TAOK3: variants seen among roughly 807,000 people sequenced by gnomAD.
TAOK3 encodes serine/threonine-protein kinase TAO3.
A neutral mutation model predicts 120.4 loss-of-function variants in TAOK3; 40 were observed. The observed-to-expected ratio is 0.33, with a 90% CI of 0.26 to 0.43. The LOEUF is 0.43. Among genes scored for constraint, TAOK3 ranks in the 20% least tolerant of loss-of-function variants. TAOK3 has a pLI of 1.00. For missense variants in TAOK3, 821 were observed against 1,112.1 expected, an observed-to-expected ratio of 0.74 and a Z score of 3.72; for synonymous variants, 355 against 387.5, an observed-to-expected ratio of 0.92 and a Z score of 0.99.
chr12:118,239,507 TA>T (rs538607617), intron 5 of TAOK3, among the ~76,000 whole-genome samples: 135 of 152,324 alleles, frequency 8.9e-4, no homozygotes, highest in African/African-American at 3.0e-3. Flanking sequence ...GGACTAGATA[TA>T]GAAATATTCA....
At position 118,161,795 on chromosome 12, in the gene TAOK3, T is replaced by C; in HGVS notation, c.2132A>G (p.Asn711Ser). Residue 711 changes from asparagine (N) to serine (S), a missense_variant, in exon 18 of 21, where the codon AAC (asparagine) becomes AGC (serine). Physicochemically the swap from Asn to Ser is conservative, Grantham distance 46 (BLOSUM62 1). This residue lies in a region of TAOK3 where 354 missense variants were observed against 572.1 expected (regional missense o/e 0.62). Transcript: ENST00000392533. This position sits in a 1 kb window ranked among gnomAD's most constrained non-coding sequence, Gnocchi z 4.5. ...CAGCAGCACAAATCTTACCTTTAAG[T>C]TTTTTGGCTGTTGCCGAAGTTCCAT... ...HVMELRQQPK[N>S]LKAMEMQIKK... The C allele has an allele frequency of 6.2e-7, 1 of 1,614,148 alleles. No individual in the cohort carries two copies. The highest frequency in any genetic ancestry group is 8.5e-7 in the Non-Finnish European group (1 of 1,180,020).
At chr12:118,193,451 C>A (rs2037542982) in intron 13 of TAOK3, among the ~76,000 whole-genome samples, 1 of 152,164 alleles carries the variant, frequency 6.6e-6, no homozygotes. Flanking sequence ...AATTTCTATA[C>A]AAGAGTGAAA....
intron 1 of TAOK3, among the ~76,000 whole-genome samples, chr12:118,316,517 C>CA (rs1247360169): frequency 6.6e-6 from 1 of 152,080 alleles, no homozygotes; most frequent in Non-Finnish European, 1.5e-5. Context: ...ATCCTACCCT[C>CA]AGCCTCCTGA....
intron 9 of TAOK3, among the ~76,000 whole-genome samples, chr12:118,216,329 C>T (rs1318864083): frequency 6.6e-6 from 1 of 152,174 alleles, no homozygotes; most frequent in African/African-American, 2.4e-5. Flanking sequence ...CCTCCCCAGC[C>T]CACCACGATC....
intron 8 of TAOK3, among the ~76,000 whole-genome samples, chr12:118,234,491 G>A (rs1403549840): frequency 2.0e-5 from 3 of 151,944 alleles, no homozygotes; most frequent in Admixed American, 2.0e-4. Context: ...TGATCCACCC[G>A]CCTCGGACTT....
At chr12:118,326,520 A>G (rs1236654725) in intron 1 of TAOK3, among the ~76,000 whole-genome samples, 3 of 151,056 alleles carry the variant, frequency 2.0e-5, no homozygotes, top group African/African-American at 7.3e-5. Context: ...TTTTTTATAG[A>G]AAAGAAATGA....
At chr12:118,246,243 A>C in intron 3 of TAOK3, 1 of 1,477,192 alleles carries the variant, frequency 6.8e-7, no homozygotes, top group Non-Finnish European at 9.3e-7. Context: ...TCGCGGAGGC[A>C]AGGCCGAGGA....
Position 118,304,149 on chromosome 12 carries a change from C to T in TAOK3, c.-193-37390G>A, listed in dbSNP as rs372723118. On this transcript the variant is annotated intron_variant, in intron 1 of 20. Coordinates refer to ENST00000392533, the MANE Select transcript of TAOK3 (RefSeq NM_016281.4). The stretch of plus-strand genomic sequence containing the variant: ...TTTTAAGTTGTTGAAAAGGCAAGCA[C>T]GTTTTTCAGAAGAAATTCTTTTATG... 1.2e-4 allele frequency among the ~76,000 whole-genome samples: 19 copies of T among 152,262 alleles called. No homozygotes were observed. In the South Asian group the frequency reaches 3.3e-3, roughly 27 times the overall value.
chr12:118,250,619 C>A (rs193109497), intron 3 of TAOK3, among the ~76,000 whole-genome samples: 1 of 152,182 alleles, frequency 6.6e-6, no homozygotes, highest in Non-Finnish European at 1.5e-5. Context: ...TAGCTGCCCA[C>A]AATTTATCAG....
At chr12:118,239,992 C>T (rs1031751384) in intron 5 of TAOK3, among the ~76,000 whole-genome samples, 4 of 151,964 alleles carry the variant, frequency 2.6e-5, no homozygotes, top group African/African-American at 9.7e-5. Context: ...CATGGTGAAA[C>T]CCCATCTCTA....
intron 1 of TAOK3, among the ~76,000 whole-genome samples, chr12:118,363,755 T>TGTGTGTGTGA (rs777468830): frequency 2.5e-4 from 35 of 141,770 alleles, no homozygotes; most frequent in African/African-American, 8.4e-4. Flanking sequence ...TGTGTGTGTG[T>TGTGTGTGTGA]GAGAGAGAGA....
intron 1 of TAOK3, among the ~76,000 whole-genome samples, chr12:118,368,527 C>T (rs1398984994): frequency 1.4e-5 from 2 of 138,012 alleles, no homozygotes; most frequent in Non-Finnish European, 3.1e-5. Context: ...GAAAATAGGC[C>T]GGGAGCGGTG....
chr12:118,308,598 C>G (rs2140814942), intron 1 of TAOK3, among the ~76,000 whole-genome samples: 1 of 152,022 alleles, frequency 6.6e-6, no homozygotes, highest in African/African-American at 2.4e-5. Context: ...AGGGTGCTGC[C>G]CAAAAATGGT....
intron 14 of TAOK3, among the ~76,000 whole-genome samples, chr12:118,188,061 T>C (rs1043632950): frequency 2.0e-5 from 3 of 152,064 alleles, no homozygotes; most frequent in African/African-American, 7.2e-5. Context: ...GTCATGAATA[T>C]ATGATGTGGG....
At chr12:118,192,501 G>C (rs1186098429) in intron 13 of TAOK3, among the ~76,000 whole-genome samples, 1 of 152,014 alleles carries the variant, frequency 6.6e-6, no homozygotes, top group Non-Finnish European at 1.5e-5. Flanking sequence ...CCACAAAATG[G>C]AACAAAATTT....
chr12:118,183,015 C>T (rs1356749605), intron 14 of TAOK3, among the ~76,000 whole-genome samples: 1 of 151,988 alleles, frequency 6.6e-6, no homozygotes, highest in Admixed American at 6.6e-5. Context: ...TTCCTGATCA[C>T]TTCCTCCCTA....
chr12:118,257,027 T>G (rs11068890), intron 2 of TAOK3, among the ~76,000 whole-genome samples: 4,701 of 152,260 alleles, frequency 0.031, 208 homozygotes, highest in African/African-American at 0.097. Flanking sequence ...CTTATATATA[T>G]TATCTCCTTT....
chr12:118,317,298 ATTT>A (rs950745966), intron 1 of TAOK3, among the ~76,000 whole-genome samples: 2 of 126,060 alleles, frequency 1.6e-5, no homozygotes, highest in Non-Finnish European at 1.7e-5. Flanking sequence ...CGCTGGGAGA[ATTT>A]TTTTTTTTTT....
At chr12:118,341,821 G>A (rs1213834649) in intron 1 of TAOK3, among the ~76,000 whole-genome samples, 2 of 152,172 alleles carry the variant, frequency 1.3e-5, no homozygotes, top group East Asian at 3.9e-4. Flanking sequence ...CCCTGGAGTT[G>A]GAGAGCAGCC....
Sources: gnomAD v4.1 joint callset for allele counts (sites outside exome capture counted in the v4.1 genomes callset) on GRCh38, gnomAD v4.1.1 for gene constraint, gnomAD v4.1.1 regional missense constraint, Gnocchi (gnomAD v3.1) non-coding constraint, MANE v1.5 for transcripts, NCBI Gene and HGNC (gene_info 2026-07-23, HGNC 2026-07-21) for gene names.